AKAP9: variants seen among roughly 807,000 people sequenced by gnomAD.
The protein encoded by AKAP9 is A-kinase anchoring protein 9, also known as A-kinase anchor protein 9.
A neutral mutation model predicts 488.5 loss-of-function variants in AKAP9; 311 were observed. The observed-to-expected ratio is 0.64, with a 90% CI of 0.58 to 0.70. AKAP9 has a LOEUF of 0.70. Ranked by LOEUF, AKAP9 falls within the 30% of genes least tolerant of loss-of-function variation. The pLI, the probability that AKAP9 is intolerant of heterozygous loss-of-function variation, is 0.00. For synonymous variants in AKAP9, 1,462 were observed against 1,483.5 expected, an observed-to-expected ratio of 0.99 and a Z score of 0.33; for missense variants, 4,215 against 4,374.5, an observed-to-expected ratio of 0.96 and a Z score of 1.03.
In AKAP9 at chr7:91,965,470, T is replaced by C. The variant is rs1763983592; in HGVS notation, c.49-8241T>C. On this transcript the variant is annotated intron_variant, in intron 1 of 49. Transcript: ENST00000356239. ...TAAGCTAATTTCATATTTTAGCTAT[T>C]GTAAATAGTACTACAAAAAAACATG... Among the ~76,000 whole-genome samples the C allele has an allele frequency of 2.0e-5, 3 of 152,240 alleles. No individual in the cohort carries two copies. In the South Asian group the frequency reaches 6.2e-4, roughly 31 times the overall value.
intron 8 of AKAP9, among the ~76,000 whole-genome samples, chr7:92,009,974 G>T (rs1336876022): frequency 6.6e-6 from 1 of 152,144 alleles, no homozygotes; most frequent in African/African-American, 2.4e-5. Context: ...CAACCTCCCA[G>T]GCTCAAGTGA....
chr7:92,032,267 C>A (rs1314828800), intron 16 of AKAP9, among the ~76,000 whole-genome samples: 1 of 152,190 alleles, frequency 6.6e-6, no homozygotes, highest in Middle Eastern at 3.4e-3. Flanking sequence ...GAGGCCGAGG[C>A]GGGCAGGTCA....
At chr7:91,943,510 C>T (rs1791057229) in intron 1 of AKAP9, among the ~76,000 whole-genome samples, 1 of 152,168 alleles carries the variant, frequency 6.6e-6, no homozygotes, top group Non-Finnish European at 1.5e-5. Flanking sequence ...AAGTTGCTCA[C>T]TGTTTAGTGG....
Position 92,002,868 on chromosome 7 carries a change from A to G in AKAP9, c.2951A>G (p.Lys984Arg), listed in dbSNP as rs765992335. Residue 984 changes from lysine (K) to arginine (R), a missense_variant, in exon 8 of 50, where the codon AAG becomes AGG. By Grantham distance (26) the Lys-to-Arg change is conservative. This residue lies in a region of AKAP9 where 2,361 missense variants were observed against 2,430.0 expected (regional missense o/e 0.97). Transcript: ENST00000356239. ...SFLNEEVKSL[K>R]QEKEQVSLRC... ...CTAAATGAAGAAGTTAAATCTTTAA[A>G]GCAAGAGAAAGAACAAGTTTCATTG... 6.2e-6 allele frequency: 10 copies of G among 1,612,940 alleles called. No individual in the cohort carries two copies. In the Admixed American group the frequency reaches 1.7e-4, roughly 27 times the overall value.
In AKAP9 at chr7:92,095,025, T is replaced by A; in HGVS notation, c.9581T>A (p.Leu3194Ter). The change falls in exon 40 of 50, where the codon TTG becomes TAG. Residue 3194 changes from leucine (L) to a stop codon, truncating the protein, a stop_gained and splice_region_variant. Transcript: ENST00000356239. LOFTEE classifies it high-confidence loss of function. ...ATTCATTTGTCTTTCTGACTTAGGTTGGAAGTTAAAGATAAGACAGATGAA... is the reference window on the plus strand; with the variant it reads ...ATTCATTTGTCTTTCTGACTTAGGTAGGAAGTTAAAGATAAGACAGATGAA... ...KHLKELEAFR[L>*]EVKDKTDEVH... 1 of 1,613,958 alleles carries A rather than the reference T, an allele frequency of 6.2e-7. No individual in the cohort carries two copies. The highest frequency in any genetic ancestry group is 8.5e-7 in the Non-Finnish European group (1 of 1,179,856).
intron 3 of AKAP9, among the ~76,000 whole-genome samples, chr7:91,987,352 G>A (rs1797227753): frequency 1.3e-5 from 2 of 151,936 alleles, no homozygotes; most frequent in Non-Finnish European, 2.9e-5. Flanking sequence ...CTGGGAGGTG[G>A]AGGTTACAGT....
chr7:92,044,931 A>G lies in AKAP9; in HGVS notation c.5163-77A>G, dbSNP rs1026471407. On this transcript the variant is annotated intron_variant, in intron 20 of 49. Coordinates refer to ENST00000356239, the MANE Select transcript of AKAP9 (RefSeq NM_005751.5). ...TTTCAAATCAAATATTTTGCAGTGT[A>G]CTTTTTAGTGGACATAAGCAAAGTG... 1.4e-5 allele frequency: 16 copies of G among 1,140,106 alleles called. No individual in the cohort carries two copies. The African/African-American group carries it at 2.3e-4, about 16-fold the overall frequency. 70.6% of individuals were successfully genotyped at this position (1,140,106 alleles called of 1,614,324 possible).
intron 40 of AKAP9, among the ~76,000 whole-genome samples, chr7:92,096,465 G>T (rs1432689496): frequency 2.0e-5 from 3 of 151,662 alleles, no homozygotes; most frequent in Non-Finnish European, 4.4e-5. Flanking sequence ...CTCCCAAGTA[G>T]CTGGGACTAC....
intron 31 of AKAP9, among the ~76,000 whole-genome samples, chr7:92,081,845 A>T (rs889826036): frequency 2.3e-4 from 35 of 152,310 alleles, no homozygotes; most frequent in African/African-American, 7.7e-4. Flanking sequence ...AAACACCAGA[A>T]GATTAACTGA....
At chr7:92,069,332 T>TC (rs1320480344) in intron 26 of AKAP9, among the ~76,000 whole-genome samples, 1 of 152,174 alleles carries the variant, frequency 6.6e-6, no homozygotes, top group Non-Finnish European at 1.5e-5. Flanking sequence ...ATCCATTTTT[T>TC]CCCCTCTTCC....
intron 24 of AKAP9, chr7:92,063,451 T>TCC: frequency 2.1e-6 from 2 of 964,210 alleles, no homozygotes; most frequent in Non-Finnish European, 2.5e-6. Context: ...TTTTTTTCTC[T>TCC]ATTTTCCTAG....
rs190167564 is a variant in AKAP9 at position 92,028,739 on chromosome 7, T to G, written c.4149-1156T>G. Reference sequence around the variant, plus strand: ...AAATGATACTATTATGAGAATAAAATTAATAAAACTTTTTGGAATATGACC... The same window carrying G: ...AAATGATACTATTATGAGAATAAAAGTAATAAAACTTTTTGGAATATGACC... On this transcript the variant is annotated intron_variant, in intron 14 of 49. Transcript: ENST00000356239. Among the ~76,000 whole-genome samples, 3 of 152,320 alleles carry G rather than the reference T, an allele frequency of 2.0e-5. No individual in the cohort carries two copies. The East Asian group carries it at 5.8e-4, about 29-fold the overall frequency.
At chr7:92,029,393 A>C (rs1388662646) in intron 14 of AKAP9, among the ~76,000 whole-genome samples, 1 of 152,212 alleles carries the variant, frequency 6.6e-6, no homozygotes, top group African/African-American at 2.4e-5. Context: ...TTTGTATCCA[A>C]ATATACATAT....
At chr7:92,039,560 A>T (rs931996551) in intron 17 of AKAP9, among the ~76,000 whole-genome samples, 7 of 152,228 alleles carry the variant, frequency 4.6e-5, no homozygotes, top group South Asian at 2.1e-4. Flanking sequence ...CTGTACCTCA[A>T]CTGTTCACTG....
Position 92,040,904 on chromosome 7 carries a change from G to T in AKAP9, c.4917+6G>T. 1 of 1,602,664 alleles carries T rather than the reference G, an allele frequency of 6.2e-7. No individual in the cohort carries two copies. The highest frequency in any genetic ancestry group is 8.5e-7 in the Non-Finnish European group (1 of 1,173,146). ...TTAATAGACAATTAGCCCAGGTAAG[G>T]GTCTTGTAGTCCCCTTTCTCTCCCC... On this transcript the variant is annotated splice_donor_region_variant and intron_variant, in intron 18 of 49. Coordinates refer to ENST00000356239, the MANE Select transcript of AKAP9 (RefSeq NM_005751.5).
intron 1 of AKAP9, among the ~76,000 whole-genome samples, chr7:91,943,323 T>A (rs1791034797): frequency 6.6e-6 from 1 of 152,194 alleles, no homozygotes; most frequent in South Asian, 2.1e-4. Flanking sequence ...TGAAGACTGA[T>A]AGGAATATGA....
chr7:91,942,432 T>C (rs1022896165), intron 1 of AKAP9, among the ~76,000 whole-genome samples: 2 of 152,292 alleles, frequency 1.3e-5, no homozygotes, highest in East Asian at 3.9e-4. Flanking sequence ...TTCGAATCTA[T>C]AAATGGTGGG....
intron 16 of AKAP9, 126 bp downstream of exon 16, chr7:92,031,730 T>C (rs747273849): frequency 3.6e-4 from 261 of 726,678 alleles, no homozygotes; most frequent in Non-Finnish European, 5.6e-4. Context: ...TTTAAGTGAT[T>C]GGATAATATC....
intron 5 of AKAP9, 136 bp downstream of exon 5, chr7:91,993,191 CTTCT>C: frequency 1.1e-5 from 10 of 936,044 alleles, no homozygotes; most frequent in South Asian, 5.1e-5. Context: ...TCTTCTTCTT[CTTCT>C]TTTTTTTTTT....
Sources: gnomAD v4.1 joint callset for allele counts (sites outside exome capture counted in the v4.1 genomes callset) on GRCh38, gnomAD v4.1.1 for gene constraint, gnomAD v4.1.1 regional missense constraint, MANE v1.5 for transcripts, NCBI Gene and HGNC (gene_info 2026-07-23, HGNC 2026-07-21) for gene names.